Variants in ZCCHC7 observed in about 807,000 individuals in gnomAD.
ZCCHC7 encodes the protein zinc finger CCHC domain-containing protein 7.
In ZCCHC7, 35 loss-of-function variants were observed where a neutral mutation model predicts 52.0. The observed-to-expected ratio is 0.67, with a 90% CI of 0.51 to 0.89. The LOEUF is 0.89. ZCCHC7 is among the 40% of genes least tolerant of loss of function. The pLI, the probability that ZCCHC7 is intolerant of heterozygous loss-of-function variation, is 0.00. For missense variants in ZCCHC7, 574 were observed against 649.1 expected, an observed-to-expected ratio of 0.88 and a Z score of 1.26; for synonymous variants, 217 against 221.5, an observed-to-expected ratio of 0.98 and a Z score of 0.18.
At chr9:37,326,230 A>T (rs1830233507) in intron 5 of ZCCHC7, 1 of 152,116 alleles carries the variant, frequency 6.6e-6, no homozygotes, top group Non-Finnish European at 1.5e-5. Context: ...ATAAAAATAG[A>T]TATTTCTTGT....
chr9:37,153,011 T>C (rs1462446015), intron 2 of ZCCHC7, among the ~76,000 whole-genome samples: 1 of 152,236 alleles, frequency 6.6e-6, no homozygotes, highest in Non-Finnish European at 1.5e-5. Context: ...TTTTGGGTTA[T>C]AATTTAATAG....
At chr9:37,178,155 A>G (rs1317656159) in intron 2 of ZCCHC7, among the ~76,000 whole-genome samples, 1 of 152,160 alleles carries the variant, frequency 6.6e-6, no homozygotes, top group South Asian at 2.1e-4. Context: ...GTGCCTTGGT[A>G]ATTAAAACAC....
In ZCCHC7 at chr9:37,352,511, C is replaced by CTTTTTTTTTTTTTTTTTTTTTTT. The variant is rs869266535; in HGVS notation, c.1084-2197_1084-2175dup. Reference sequence around the variant, plus strand: ...TACCTTTGCATAATCACAATTTGCTCTTTTTTTTTTTTTTTTTTTTTTTTG... The same window carrying CTTTTTTTTTTTTTTTTTTTTTTT: ...TACCTTTGCATAATCACAATTTGCTCTTTTTTTTTTTTTTTTTTTTTTTTTTTTTTTTTTTTTTTTTTTTTTTG... On this transcript the variant is annotated intron_variant, in intron 7 of 8. Transcript: ENST00000336755. Among the ~76,000 whole-genome samples the CTTTTTTTTTTTTTTTTTTTTTTT allele has an allele frequency of 1.8e-4, 15 of 81,576 alleles. 1 individual carries two copies. Among genetic ancestry groups the CTTTTTTTTTTTTTTTTTTTTTTT allele is most frequent in the East Asian group, 7.0e-4 (2 of 2,846 alleles). 53.5% of individuals were successfully genotyped at this position (81,576 alleles called of 152,430 possible).
chr9:37,170,976 C>T (rs1172164509), intron 2 of ZCCHC7, among the ~76,000 whole-genome samples: 1 of 152,082 alleles, frequency 6.6e-6, no homozygotes, highest in Non-Finnish European at 1.5e-5. Flanking sequence ...TTTTTTTCTC[C>T]TGTTCTAGAG....
At chr9:37,337,393 A>G (rs1463964012) in intron 6 of ZCCHC7, among the ~76,000 whole-genome samples, 4 of 15,056 alleles carry the variant, frequency 2.7e-4, no homozygotes, top group Non-Finnish European at 4.8e-4. Flanking sequence ...ACCCCACCCT[A>G]CCCACCCACC....
chr9:37,172,941 A>G (rs985162183), intron 2 of ZCCHC7, among the ~76,000 whole-genome samples: 39 of 149,176 alleles, frequency 2.6e-4, no homozygotes, highest in African/African-American at 9.4e-4. Context: ...GGGCATTCCA[A>G]TAGGGACTTT....
chr9:37,136,155 C>T (rs936234809), intron 2 of ZCCHC7, among the ~76,000 whole-genome samples: 2 of 152,032 alleles, frequency 1.3e-5, no homozygotes, highest in African/African-American at 4.8e-5. Context: ...GTGTAATGGT[C>T]ATAGGTTCTC....
intron 6 of ZCCHC7, among the ~76,000 whole-genome samples, chr9:37,347,211 A>G (rs926567878): frequency 2.0e-5 from 3 of 151,982 alleles, no homozygotes; most frequent in Non-Finnish European, 2.9e-5. Flanking sequence ...CTCTGGTTTC[A>G]ACTTCTCCAT....
intron 5 of ZCCHC7, chr9:37,327,500 TC>T (rs1402728791): frequency 9.5e-6 from 3 of 314,962 alleles, no homozygotes; most frequent in Admixed American, 4.6e-5. Flanking sequence ...TGTTCATTTA[TC>T]AGTTTAACTG....
chr9:37,168,138 T>C (rs1023050918), intron 2 of ZCCHC7, among the ~76,000 whole-genome samples: 11 of 152,344 alleles, frequency 7.2e-5, no homozygotes, highest in Non-Finnish European at 1.2e-4. Context: ...TCTTGCTGTC[T>C]GTTCTGGGGC....
chr9:37,161,684 T>C (rs1202177556), intron 2 of ZCCHC7, among the ~76,000 whole-genome samples: 5 of 152,334 alleles, frequency 3.3e-5, no homozygotes, highest in African/African-American at 9.6e-5. Flanking sequence ...ATAAGTGATA[T>C]GTCAACGTAT....
At chr9:37,353,113 G>C (rs1821494356) in intron 7 of ZCCHC7, among the ~76,000 whole-genome samples, 1 of 152,170 alleles carries the variant, frequency 6.6e-6, no homozygotes. Flanking sequence ...AGTGGAAAGT[G>C]TGAGTAACTT....
chr9:37,225,983 G>A (rs1588510764), intron 2 of ZCCHC7, among the ~76,000 whole-genome samples: 1 of 152,182 alleles, frequency 6.6e-6, no homozygotes, highest in African/African-American at 2.4e-5. Context: ...GAAGGCAGAC[G>A]AAATGGAAAG....
intron 2 of ZCCHC7, among the ~76,000 whole-genome samples, chr9:37,249,852 G>A (rs2133388831): frequency 6.6e-6 from 1 of 152,262 alleles, no homozygotes; most frequent in Middle Eastern, 3.4e-3. Flanking sequence ...AGGTCTCCTG[G>A]AATACAACAT....
intron 2 of ZCCHC7, among the ~76,000 whole-genome samples, chr9:37,272,487 G>A (rs531854556): frequency 3.8e-5 from 5 of 131,152 alleles, no homozygotes; most frequent in Admixed American, 3.2e-4. Context: ...TCAAAGCTGT[G>A]TGGTAAAAAA....
chr9:37,247,793 A>G (rs969809297), intron 2 of ZCCHC7, among the ~76,000 whole-genome samples: 15 of 152,086 alleles, frequency 9.9e-5, no homozygotes, highest in Admixed American at 8.5e-4. Flanking sequence ...GCATGTGCCT[A>G]TAGTCCCAAC....
At chr9:37,197,589 A>G (rs532900113) in intron 2 of ZCCHC7, among the ~76,000 whole-genome samples, 1 of 152,294 alleles carries the variant, frequency 6.6e-6, no homozygotes, top group African/African-American at 2.4e-5. Flanking sequence ...TAGATTTGTC[A>G]TTAAGTGTGC....
At chr9:37,150,809 T>C (rs1323219812) in intron 2 of ZCCHC7, among the ~76,000 whole-genome samples, 1 of 152,178 alleles carries the variant, frequency 6.6e-6, no homozygotes, top group African/African-American at 2.4e-5. Flanking sequence ...CAGAATATTG[T>C]AATAAATAAT....
At chr9:37,210,134 C>G (rs903076591) in intron 2 of ZCCHC7, among the ~76,000 whole-genome samples, 3 of 152,128 alleles carry the variant, frequency 2.0e-5, no homozygotes, top group African/African-American at 7.2e-5. Context: ...TGTCTTCCCT[C>G]TAGTGGCTGG....
Sources: allele counts gnomAD v4.1 joint callset (sites outside exome capture counted in the v4.1 genomes callset), GRCh38; gene constraint gnomAD v4.1.1; transcripts MANE v1.5; gene names NCBI Gene and HGNC (gene_info 2026-07-23, HGNC 2026-07-21).